SYT7: variants seen among roughly 807,000 people sequenced by gnomAD.
SYT7 encodes the protein synaptotagmin-7.
In SYT7, 29 loss-of-function variants were observed where a neutral mutation model predicts 75.1. That is an observed-to-expected ratio of 0.39 (90% CI 0.29 to 0.53). The LOEUF (loss-of-function observed/expected upper bound fraction) is 0.53, where lower values mean the gene tolerates loss of function less well. SYT7 is among the 20% of genes least tolerant of loss of function. The pLI is 0.77. For synonymous variants in SYT7, 376 were observed against 401.7 expected (o/e 0.94, Z 0.76); for missense variants, 693 against 953.2 (o/e 0.73, Z 3.59).
chr11:61,557,378 G>A (rs1324210719), intron 1 of SYT7, among the ~76,000 whole-genome samples: 6 of 152,154 alleles, frequency 3.9e-5, no homozygotes, highest in African/African-American at 2.4e-5. Flanking sequence ...TGGTTCCTGC[G>A]GTTTTAGCTT....
At chr11:61,583,986 C>A (rs534549661), upstream of SYT7, among the ~76,000 whole-genome samples, 1 of 152,292 alleles carries the variant, frequency 6.6e-6, no homozygotes, top group South Asian at 2.1e-4. Context: ...TTACCCTGGG[C>A]AGACACCTCT....
chr11:61,587,353 T>G, the SYT7 span, among the ~76,000 whole-genome samples: 457 of 152,290 alleles, frequency 3.0e-3, 6 homozygotes, highest in South Asian at 0.038. Flanking sequence ...AGCGGGCCGT[T>G]ACTCTTCTTC....
rs920090256 is a variant in SYT7 at position 61,530,920 on chromosome 11, C to T, written c.1200+2069G>A. 11 of 985,320 alleles carry T rather than the reference C, an allele frequency of 1.1e-5. No individual in the cohort carries two copies. The African/African-American group carries it at 1.9e-4, about 17-fold the overall frequency. The allele number at this position is 985,320 out of a possible 1,614,324, so 61.0% of individuals were successfully genotyped here. A position where few individuals can be genotyped will look rare whatever the true frequency, so the allele number is the denominator to read the frequency against. ...GGAAGGTGCTTCCTGAGCGCTTGCA[C>T]CAGCAGAAGTCAGCCTCGAAAAGCA... On this transcript the variant is annotated intron_variant, in intron 8 of 12. Transcript: ENST00000539008.
Position 61,580,664 on chromosome 11 carries a change from C to A in SYT7, c.31+126G>T. On this transcript the variant is annotated intron_variant, in intron 1 of 12. Coordinates refer to ENST00000539008, the MANE Select transcript of SYT7 (RefSeq NM_001365809.2). This position sits in a 1 kb window ranked among gnomAD's most constrained non-coding sequence, Gnocchi z 6.1. ...CCGCGCCCCCGGGGCTGGGATGACC[C>A]CTGGGGGAGCCCGTGCGGCTCCGGG... 1 of 588,236 alleles carries A rather than the reference C, an allele frequency of 1.7e-6. No individual in the cohort carries two copies. The highest frequency in any genetic ancestry group is 2.4e-6 in the Non-Finnish European group (1 of 415,236). The allele number at this position is 588,236 out of a possible 1,614,324, so 36.4% of individuals were successfully genotyped here.
chr11:61,558,455 G>T (rs2063551197), intron 1 of SYT7, among the ~76,000 whole-genome samples: 1 of 151,292 alleles, frequency 6.6e-6, no homozygotes, highest in South Asian at 2.1e-4. Context: ...GGGCAACAGA[G>T]CAAGACTCTG....
chr11:61,535,683 C>T (rs987370917), intron 7 of SYT7, among the ~76,000 whole-genome samples: 1 of 152,106 alleles, frequency 6.6e-6, no homozygotes, highest in African/African-American at 2.4e-5. Context: ...GGACACACTC[C>T]CACGCTGCTT....
At chr11:61,525,098 C>T (rs968405513) in intron 9 of SYT7, among the ~76,000 whole-genome samples, 2 of 152,218 alleles carry the variant, frequency 1.3e-5, no homozygotes, top group Non-Finnish European at 2.9e-5. Context: ...ACCGCAGCGT[C>T]CCCTTCTCTA....
At chr11:61,548,432 C>A (rs2063253532) in intron 3 of SYT7, among the ~76,000 whole-genome samples, 1 of 152,164 alleles carries the variant, frequency 6.6e-6, no homozygotes, top group Non-Finnish European at 1.5e-5. Flanking sequence ...ACCCTGGGAG[C>A]CAAGGACAAG....
chr11:61,529,093 T>C (rs1264510033), intron 8 of SYT7, among the ~76,000 whole-genome samples: 1 of 152,126 alleles, frequency 6.6e-6, no homozygotes, highest in African/African-American at 2.4e-5. Flanking sequence ...CCCAGCCGCC[T>C]GAGCCCCAGA....
In SYT7 at chr11:61,546,181, T is replaced by C. The variant is rs1565187803; in HGVS notation, c.422A>G (p.Glu141Gly). ...LAVEREGRLG[E>G]KPAPVPPPGE... ...GGGTGGCGGCACCGGTGCCGGCTTCTCCCCCAGCCGGCCTTCCCGCTCCAC... is the reference window on the plus strand; with the variant it reads ...GGGTGGCGGCACCGGTGCCGGCTTCCCCCCCAGCCGGCCTTCCCGCTCCAC... The change falls in exon 5 of 13, where the codon GAG becomes GGG. Residue 141 changes from glutamate (E) to glycine (G), a missense_variant. Physicochemically the swap from Glu to Gly is moderately conservative, Grantham distance 98 (BLOSUM62 -2). This residue lies in a region of SYT7 where 487 missense variants were observed against 593.2 expected (regional missense o/e 0.82). Transcript: ENST00000539008. This position sits in a 1 kb window ranked among gnomAD's most constrained non-coding sequence, Gnocchi z 7.6. The C allele has an allele frequency of 1.3e-6, 2 of 1,519,078 alleles. No individual in the cohort carries two copies. The highest frequency in any genetic ancestry group is 1.8e-6 in the Non-Finnish European group (2 of 1,140,380). The allele number at this position is 1,519,078 out of a possible 1,614,324, so 94.1% of individuals were successfully genotyped here. A position where few individuals can be genotyped will look rare whatever the true frequency, so the allele number is the denominator to read the frequency against.
chr11:61,564,828 C>T (rs930546124), intron 1 of SYT7, among the ~76,000 whole-genome samples: 1 of 152,236 alleles, frequency 6.6e-6, no homozygotes, highest in Admixed American at 6.5e-5. Flanking sequence ...TTCCCCCATC[C>T]ACTGGCCCAG....
intron 1 of SYT7, among the ~76,000 whole-genome samples, chr11:61,557,185 C>T (rs2063521267): frequency 6.6e-6 from 1 of 152,186 alleles, no homozygotes; most frequent in African/African-American, 2.4e-5. Context: ...ACTTTGAGGA[C>T]AAATTCTCAT....
chr11:61,539,844 GCA>G (rs2062991095), intron 6 of SYT7: 1 of 152,142 alleles, frequency 6.6e-6, no homozygotes, highest in Non-Finnish European at 1.5e-5. Context: ...TTGGTCCTGG[GCA>G]CAGTTACTCC....
At chr11:61,559,372 C>T (rs1006793224) in intron 1 of SYT7, among the ~76,000 whole-genome samples, 26 of 152,072 alleles carry the variant, frequency 1.7e-4, no homozygotes, top group African/African-American at 4.8e-4. Context: ...CGTGAGGAGC[C>T]GGACTTAGGG....
rs1198360836 is a variant in SYT7, at chr11:61,580,259, C to G, written c.31+531G>C. ...TCAACGCCCCTGCAGTTCCCCACCCCCCAGAACCTCCCTGCCCAGCTGCCG... is the reference window on the plus strand; with the variant it reads ...TCAACGCCCCTGCAGTTCCCCACCCGCCAGAACCTCCCTGCCCAGCTGCCG... On this transcript the variant is annotated intron_variant, in intron 1 of 12. Transcript: ENST00000539008. This position sits in a 1 kb window ranked among gnomAD's most constrained non-coding sequence, Gnocchi z 6.1. Among the ~76,000 whole-genome samples, 4 of 152,128 alleles carry G rather than the reference C, an allele frequency of 2.6e-5. No homozygotes were observed. The highest frequency in any genetic ancestry group is 2.9e-5 in the Non-Finnish European group (2 of 68,012).
rs1412265859 is a variant in SYT7, at chr11:61,551,946, G to A, written c.136-483C>T. 6.6e-6 allele frequency among the ~76,000 whole-genome samples: 1 copy of A among 152,140 alleles called. No individual in the cohort carries two copies. Among genetic ancestry groups the A allele is most frequent in the Non-Finnish European group, 1.5e-5 (1 of 68,010 alleles). On this transcript the variant is annotated intron_variant, in intron 2 of 12. Transcript: ENST00000539008. This position sits in a 1 kb window ranked among gnomAD's most constrained non-coding sequence, Gnocchi z 5.3. ...AGGCCATGTCCCCAGTCCTGCTCGG[G>A]GCTGTGTCCACCACTGTCTGGGGGT...
intron 1 of SYT7, among the ~76,000 whole-genome samples, chr11:61,577,851 T>A (rs1157128181): frequency 6.6e-6 from 1 of 152,152 alleles, no homozygotes; most frequent in African/African-American, 2.4e-5. Context: ...GCTTACCAGC[T>A]CACTGCAAGG....
Position 61,538,171 on chromosome 11 carries a change from T to C in SYT7, c.1037A>G (p.Gln346Arg). ...CTTGTCCCCCTGAGCGTTCTGGTTC[T>C]GCTGGGTTCCTGGGTTTTGCAGGTC... ...IPDLQNPGTQ[Q>R]NQNAQGDKRL... is the part of the protein sequence containing the mutation. Residue 346 changes from glutamine (Q) to arginine (R), a missense_variant, in exon 7 of 13, where the codon CAG becomes CGG. Gln to Arg is a conservative substitution (Grantham distance 43). This residue lies in a region of SYT7 where 487 missense variants were observed against 593.2 expected (regional missense o/e 0.82). Transcript: ENST00000539008. 1 of 1,536,088 alleles carries C rather than the reference T, an allele frequency of 6.5e-7. No homozygotes were observed. Among genetic ancestry groups the C allele is most frequent in the Non-Finnish European group, 8.7e-7 (1 of 1,146,878 alleles).
chr11:61,539,078 T>C (rs560851003), intron 6 of SYT7, among the ~76,000 whole-genome samples: 101 of 152,260 alleles, frequency 6.6e-4, no homozygotes, highest in African/African-American at 2.4e-3. Context: ...GGGCCTTTCA[T>C]TGGAGAAGAG....
Sources: allele counts gnomAD v4.1 joint callset (sites outside exome capture counted in the v4.1 genomes callset), GRCh38; gene constraint gnomAD v4.1.1; regional missense constraint gnomAD v4.1.1; non-coding constraint Gnocchi (gnomAD v3.1); transcripts MANE v1.5; gene names NCBI Gene and HGNC (gene_info 2026-07-23, HGNC 2026-07-21).